TRPC1: variants seen among roughly 807,000 people sequenced by gnomAD.
TRPC1 encodes the protein transient receptor potential cation channel subfamily C member 1.
TRPC1 carries 42 observed loss-of-function variants against 88.2 expected under a neutral mutation model. That is an observed-to-expected ratio of 0.48 (90% CI 0.37 to 0.62). The LOEUF is 0.62. Among genes scored for constraint, TRPC1 ranks in the 20% least tolerant of loss-of-function variants. The probability of loss-of-function intolerance (pLI) is 0.00; values close to 1 mark genes in which losing one functional copy is unlikely to be tolerated. For synonymous variants in TRPC1, 288 were observed against 331.8 expected, an observed-to-expected ratio of 0.87 and a Z score of 1.43; for missense variants, 699 against 957.3, an observed-to-expected ratio of 0.73 and a Z score of 3.56.
intron 7 of TRPC1, among the ~76,000 whole-genome samples, chr3:142,788,106 ATATT>A (rs1936187071): frequency 6.6e-6 from 1 of 152,312 alleles, no homozygotes; most frequent in East Asian, 1.9e-4. Context: ...TTTTGACTTT[ATATT>A]AAGAACAAGG....
At chr3:142,794,179 C>T (rs1022182695) in intron 9 of TRPC1, among the ~76,000 whole-genome samples, 7 of 152,012 alleles carry the variant, frequency 4.6e-5, no homozygotes, top group Non-Finnish European at 1.0e-4. Context: ...ACTATCTGTC[C>T]TTTTGATTTA....
In TRPC1 at chr3:142,806,979, A is replaced by AGTC. The variant is rs1208951866; in HGVS notation, c.*745_*747dup. 3.3e-5 allele frequency: 5 copies of AGTC among 152,110 alleles called. No homozygotes were observed. The highest frequency in any genetic ancestry group is 1.2e-4 in the African/African-American group (5 of 41,450). 9.4% of individuals were successfully genotyped at this position (152,110 alleles called of 1,614,324 possible). A position where few individuals can be genotyped will look rare whatever the true frequency, so the allele number is the denominator to read the frequency against. ...GAATTATATAGTTTTTGAAAAATAC[A>AGTC]GTCAGTAGATGTTTTATTTTTTAGC... On this transcript the variant is annotated 3_prime_UTR_variant, in exon 13 of 13. Transcript: ENST00000476941.
intron 7 of TRPC1, 113 bp from the exon 8 acceptor site, chr3:142,790,906 C>G: frequency 2.1e-5 from 17 of 824,098 alleles, no homozygotes; most frequent in South Asian, 6.0e-5. Context: ...GTTTTTTTTT[C>G]TTTTGAATAA....
At chr3:142,764,925 A>T (rs1056167085) in intron 4 of TRPC1, among the ~76,000 whole-genome samples, 7 of 152,064 alleles carry the variant, frequency 4.6e-5, no homozygotes, top group Non-Finnish European at 1.0e-4. Flanking sequence ...TTTATATCTT[A>T]TAGGCAGTCT....
chr3:142,775,097 G>A (rs111698058), intron 4 of TRPC1, among the ~76,000 whole-genome samples: 4,429 of 151,750 alleles, frequency 0.029, 229 homozygotes, highest in African/African-American at 0.1. Flanking sequence ...TGACAGTGTA[G>A]TATAGGTAAA....
intron 9 of TRPC1, among the ~76,000 whole-genome samples, chr3:142,800,248 T>C (rs1394609559): frequency 6.6e-6 from 1 of 152,184 alleles, no homozygotes; most frequent in African/African-American, 2.4e-5. Flanking sequence ...TGTCCCCTGC[T>C]TCTTGTGTCA....
At chr3:142,805,555 G>A (rs1384687361) in intron 12 of TRPC1, among the ~76,000 whole-genome samples, 1 of 152,042 alleles carries the variant, frequency 6.6e-6, no homozygotes, top group African/African-American at 2.4e-5. Flanking sequence ...AACAATAACA[G>A]TAATAACTTT....
chr3:142,780,773 AAT>A, intron 5 of TRPC1, 59 bp from the exon 6 acceptor site: 1 of 1,473,390 alleles, frequency 6.8e-7, no homozygotes, highest in Non-Finnish European at 9.1e-7. Flanking sequence ...GTTTTTAGTG[AAT>A]ATAGCTTAAT....
At position 142,767,037 on chromosome 3, in the gene TRPC1, G is replaced by C. The variant is rs1935418333; in HGVS notation, c.633-10595G>C. On this transcript the variant is annotated intron_variant, in intron 4 of 12. Coordinates refer to ENST00000476941, the MANE Select transcript of TRPC1 (RefSeq NM_001251845.2). The surrounding 1 kb of genome is among the most constrained non-coding windows in gnomAD (Gnocchi z 5.1). Reference sequence around the variant, plus strand: ...AGAGAGATTGTGTTGAATCATTTAGGCAGAAATGCCATCTTAAAAATATTG... The same window carrying C: ...AGAGAGATTGTGTTGAATCATTTAGCCAGAAATGCCATCTTAAAAATATTG... Among the ~76,000 whole-genome samples, 1 of 152,070 alleles carries C rather than the reference G, an allele frequency of 6.6e-6. No individual in the cohort carries two copies. The highest frequency in any genetic ancestry group is 2.4e-5 in the African/African-American group (1 of 41,416).
chr3:142,782,404 T>C (rs765137935), intron 6 of TRPC1, among the ~76,000 whole-genome samples: 9 of 152,046 alleles, frequency 5.9e-5, no homozygotes, highest in African/African-American at 1.2e-4. Context: ...GGGGAAGATA[T>C]TTTCTCAAAT....
Position 142,724,534 on chromosome 3 carries a change from CTGG to C in TRPC1, c.-25_-23del. 1 of 1,520,464 alleles carries C rather than the reference CTGG, an allele frequency of 6.6e-7. No homozygotes were observed. The highest frequency in any genetic ancestry group is 2.5e-5 in the East Asian group (1 of 39,504). The allele number at this position is 1,520,464 out of a possible 1,614,324, so 94.2% of individuals were successfully genotyped here. On this transcript the variant is annotated 5_prime_UTR_variant, in exon 1 of 13. Coordinates refer to ENST00000476941, the MANE Select transcript of TRPC1 (RefSeq NM_001251845.2). The surrounding 1 kb of genome is among the most constrained non-coding windows in gnomAD (Gnocchi z 5.6). ...CCGGTGGGGGCCCCGCCCCCGTCTC[CTGG>C]CCTGCCCCCTTCATGGGCCGCGATG...
At position 142,773,984 on chromosome 3, in the gene TRPC1, A is replaced by T. The variant is rs112641517; in HGVS notation, c.633-3648A>T. Among the ~76,000 whole-genome samples, 1,388 of 151,528 alleles carry T rather than the reference A, an allele frequency of 9.2e-3. 18 individuals are homozygous for T. Among genetic ancestry groups the T allele is most frequent in the Non-Finnish European group, 0.013 (869 of 67,868 alleles). On this transcript the variant is annotated intron_variant, in intron 4 of 12. Transcript: ENST00000476941. ...TTACATTACTTGCCTAGCCTACAGA[A>T]TTTGTCTCCTTGTGTTGTACATTTA...
intron 7 of TRPC1, chr3:142,785,322 A>G (rs138793613): frequency 1.4e-4 from 33 of 234,220 alleles, no homozygotes; most frequent in African/African-American, 6.4e-4. Context: ...TCATGATTGT[A>G]AAACAGAAAA....
intron 5 of TRPC1, among the ~76,000 whole-genome samples, chr3:142,778,910 A>G (rs1935870674): frequency 1.3e-5 from 2 of 152,220 alleles, no homozygotes; most frequent in African/African-American, 4.8e-5. Flanking sequence ...TTTAAACTTG[A>G]TATGACATGA....
In TRPC1 at chr3:142,806,420, C is replaced by A. The variant is rs536026494; in HGVS notation, c.*185C>A. 3 of 480,472 alleles carry A rather than the reference C, an allele frequency of 6.2e-6. No individual in the cohort carries two copies. The highest frequency in any genetic ancestry group is 1.0e-5 in the Non-Finnish European group (3 of 289,686). The allele number at this position is 480,472 out of a possible 1,614,324, so 29.8% of individuals were successfully genotyped here. On this transcript the variant is annotated 3_prime_UTR_variant, in exon 13 of 13. Coordinates refer to ENST00000476941, the MANE Select transcript of TRPC1 (RefSeq NM_001251845.2). ...GTGTATATAGAATTAGTTTTTTAAACCTTCTGTTAGTGGCTTTTTGCAGAA... is the reference window on the plus strand; with the variant it reads ...GTGTATATAGAATTAGTTTTTTAAAACTTCTGTTAGTGGCTTTTTGCAGAA...
Position 142,767,592 on chromosome 3 carries a change from TATAA to T in TRPC1, c.633-10033_633-10030del, listed in dbSNP as rs1012407615. ...TATCTTTATATATAAATATATTATATATAAATAAATTATATATCTTTATATATCA... is the reference window on the plus strand; with the variant it reads ...TATCTTTATATATAAATATATTATATATAAATTATATATCTTTATATATCA... On this transcript the variant is annotated intron_variant, in intron 4 of 12. Transcript: ENST00000476941. This position sits in a 1 kb window ranked among gnomAD's most constrained non-coding sequence, Gnocchi z 5.1. Among the ~76,000 whole-genome samples the T allele has an allele frequency of 2.7e-5, 4 of 148,156 alleles. No homozygotes were observed. Among genetic ancestry groups the T allele is most frequent in the African/African-American group, 9.8e-5 (4 of 40,892 alleles).
rs148863048 is a variant in TRPC1, at chr3:142,739,951, C to T, written c.327+3418C>T. On this transcript the variant is annotated intron_variant, in intron 2 of 12. Transcript: ENST00000476941. ...CAGCAGGAGGTAAGCAGCAGGTGAG[C>T]GATCATTACTGCCTGAGCTCTGCCT... 2.7e-3 allele frequency among the ~76,000 whole-genome samples: 411 copies of T among 152,190 alleles called. 1 individual carries two copies. The highest frequency in any genetic ancestry group is 4.3e-3 in the Non-Finnish European group (291 of 68,020).
intron 6 of TRPC1, among the ~76,000 whole-genome samples, chr3:142,781,620 G>A (rs1416848367): frequency 1.3e-5 from 2 of 152,010 alleles, no homozygotes; most frequent in Admixed American, 1.3e-4. Context: ...TAAGAGATAT[G>A]CCCATTTCTA....
intron 4 of TRPC1, among the ~76,000 whole-genome samples, chr3:142,760,902 T>C (rs1451313028): frequency 3.3e-5 from 5 of 152,202 alleles, no homozygotes; most frequent in Non-Finnish European, 7.3e-5. Flanking sequence ...TTCTTTGACA[T>C]ATATAAATGT....
Sources: allele counts gnomAD v4.1 joint callset (sites outside exome capture counted in the v4.1 genomes callset), GRCh38; gene constraint gnomAD v4.1.1; non-coding constraint Gnocchi (gnomAD v3.1); transcripts MANE v1.5; gene names NCBI Gene and HGNC (gene_info 2026-07-23, HGNC 2026-07-21).